IL7: variants seen among roughly 807,000 people sequenced by gnomAD.
IL7 encodes the protein interleukin-7.
A neutral mutation model predicts 21.6 loss-of-function variants in IL7; 3 were observed. That is an observed-to-expected ratio of 0.14 (90% CI 0.06 to 0.36). The LOEUF (loss-of-function observed/expected upper bound fraction) is 0.36. Among genes scored for constraint, IL7 ranks in the 10% least tolerant of loss-of-function variants. The probability of loss-of-function intolerance (pLI) is 1.00; values close to 1 mark genes in which losing one functional copy is unlikely to be tolerated. For missense variants in IL7, 175 were observed against 200.2 expected, an observed-to-expected ratio of 0.87 and a Z score of 0.76; for synonymous variants, 62 against 68.1, an observed-to-expected ratio of 0.91 and a Z score of 0.44.
intron 1 of IL7, among the ~76,000 whole-genome samples, chr8:78,802,268 T>A (rs1405144566): frequency 6.6e-6 from 1 of 152,166 alleles, no homozygotes; most frequent in Non-Finnish European, 1.5e-5. Flanking sequence ...TTAAAACCAG[T>A]GTTTACTGAA....
intron 2 of IL7, among the ~76,000 whole-genome samples, chr8:78,752,538 C>A (rs1812209502): frequency 6.6e-6 from 1 of 152,044 alleles, no homozygotes; most frequent in Non-Finnish European, 1.5e-5. Flanking sequence ...AGCATTTTTT[C>A]TCATACTTAT....
chr8:78,767,349 T>A (rs1029039023), intron 2 of IL7, among the ~76,000 whole-genome samples: 19 of 152,062 alleles, frequency 1.2e-4, no homozygotes, highest in Admixed American at 3.9e-4. Context: ...TGTCAGATAG[T>A]CATTCTATTT....
downstream of IL7, among the ~76,000 whole-genome samples, chr8:78,732,486 A>G (rs998984297): frequency 6.6e-6 from 1 of 152,110 alleles, no homozygotes; most frequent in African/African-American, 2.4e-5. Flanking sequence ...AGCATGAAGG[A>G]TGTGAGTTCA....
chr8:78,788,211 T>C (rs1040622425), intron 2 of IL7, among the ~76,000 whole-genome samples: 4 of 152,072 alleles, frequency 2.6e-5, no homozygotes, highest in East Asian at 3.9e-4. Flanking sequence ...CCAGTTTTGG[T>C]TTCATTGATT....
At chr8:78,767,151 A>C (rs1812780526) in intron 2 of IL7, among the ~76,000 whole-genome samples, 1 of 151,912 alleles carries the variant, frequency 6.6e-6, no homozygotes, top group African/African-American at 2.4e-5. Flanking sequence ...ATTTTATATA[A>C]GGGATTAAAA....
chr8:78,761,885 A>G, intron 2 of IL7: 15 of 1,611,542 alleles, frequency 9.3e-6, no homozygotes, highest in Non-Finnish European at 1.3e-5. Context: ...GTCCAGAGGT[A>G]TGTTTTGCCT....
chr8:78,753,727 A>C (rs1812252092), intron 2 of IL7, among the ~76,000 whole-genome samples: 2 of 152,114 alleles, frequency 1.3e-5, no homozygotes, highest in South Asian at 4.1e-4. Context: ...TAAGTCTTTA[A>C]TCCATCTTGA....
intron 2 of IL7, among the ~76,000 whole-genome samples, chr8:78,747,829 A>C (rs979917627): frequency 6.6e-6 from 1 of 152,188 alleles, no homozygotes; most frequent in Non-Finnish European, 1.5e-5. Context: ...TCAATTCCCA[A>C]CTTGAGAACT....
chr8:78,730,966 C>T (rs549792375), downstream of IL7, among the ~76,000 whole-genome samples: 41 of 151,954 alleles, frequency 2.7e-4, no homozygotes, highest in Non-Finnish European at 4.1e-4. Flanking sequence ...GCAGGGTTGG[C>T]GTAGAATTTG....
At chr8:78,774,460 T>C (rs983137319) in intron 2 of IL7, among the ~76,000 whole-genome samples, 3 of 152,126 alleles carry the variant, frequency 2.0e-5, no homozygotes, top group Non-Finnish European at 4.4e-5. Flanking sequence ...AAGGTGAACA[T>C]ATACTACTAA....
intron 4 of IL7, among the ~76,000 whole-genome samples, chr8:78,682,642 C>G (rs948699934): frequency 1.3e-5 from 2 of 152,172 alleles, no homozygotes; most frequent in African/African-American, 4.8e-5. Flanking sequence ...TATGGGGACA[C>G]AGCCAAACCA....
chr8:78,730,228 G>A (rs543617404), downstream of IL7, among the ~76,000 whole-genome samples: 7 of 151,980 alleles, frequency 4.6e-5, no homozygotes, highest in East Asian at 9.7e-4. Context: ...CACTTTTTAT[G>A]TGAAGGATGC....
At chr8:78,695,257 G>T (rs1810360515) in intron 3 of IL7, among the ~76,000 whole-genome samples, 1 of 152,098 alleles carries the variant, frequency 6.6e-6, no homozygotes, top group African/African-American at 2.4e-5. Flanking sequence ...GTAAAATAGT[G>T]GGAAGTCTTA....
At chr8:78,804,464 T>G (rs987054907) in intron 1 of IL7, among the ~76,000 whole-genome samples, 6 of 152,116 alleles carry the variant, frequency 3.9e-5, no homozygotes, top group Non-Finnish European at 8.8e-5. Context: ...CGTGGGAGCT[T>G]CGCTTTCACT....
chr8:78,754,025 A>C (rs1812265259), intron 2 of IL7, among the ~76,000 whole-genome samples: 1 of 152,166 alleles, frequency 6.6e-6, no homozygotes, highest in African/African-American at 2.4e-5. Context: ...CCTATTCAAC[A>C]TAGTATTGGA....
intron 3 of IL7, chr8:78,712,134 A>T (rs908406849): frequency 6.5e-6 from 8 of 1,229,004 alleles, no homozygotes; most frequent in Middle Eastern, 2.2e-4. Context: ...AGTTTGGTTA[A>T]TATTTTTCAG....
At chr8:78,750,596 G>A (rs2130731603) in intron 2 of IL7, among the ~76,000 whole-genome samples, 1 of 152,292 alleles carries the variant, frequency 6.6e-6, no homozygotes, top group African/African-American at 2.4e-5. Context: ...GGCCAAGGCA[G>A]GCAGATCACG....
chr8:78,686,432 T>C (rs1809974013), intron 3 of IL7: 1 of 46,844 alleles, frequency 2.1e-5, no homozygotes, highest in Non-Finnish European at 3.0e-5. Context: ...ATACTGTTTG[T>C]TTATTTATTT....
chr8:78,748,014 G>A (rs768320040), intron 2 of IL7, among the ~76,000 whole-genome samples: 1 of 152,156 alleles, frequency 6.6e-6, no homozygotes, highest in Non-Finnish European at 1.5e-5. Flanking sequence ...GAAGAGAGAG[G>A]GATCATGGCC....
Sources: allele counts gnomAD v4.1 joint callset (sites outside exome capture counted in the v4.1 genomes callset), GRCh38; gene constraint gnomAD v4.1.1; transcripts MANE v1.5; gene names NCBI Gene and HGNC (gene_info 2026-07-23, HGNC 2026-07-21).